The following RBFOX2 variants were observed in gnomAD, a reference collection of about 807,000 sequenced individuals.
The protein encoded by RBFOX2 is RNA binding protein fox-1 homolog 2.
Under a neutral mutation model 49.1 loss-of-function variants are expected in RBFOX2, and 10 were observed. That is an observed-to-expected ratio of 0.20 (90% CI 0.13 to 0.35). The LOEUF (loss-of-function observed/expected upper bound fraction) is 0.35. Among genes scored for constraint, RBFOX2 ranks in the 10% least tolerant of loss-of-function variants. The probability of loss-of-function intolerance (pLI) is 1.00; values close to 1 mark genes in which losing one functional copy is unlikely to be tolerated. For missense variants in RBFOX2, 323 were observed against 486.9 expected, an observed-to-expected ratio of 0.66 and a Z score of 3.17; for synonymous variants, 183 against 187.4, an observed-to-expected ratio of 0.98 and a Z score of 0.19.
At chr22:35,813,269 G>T (rs1488006368) in intron 1 of RBFOX2, among the ~76,000 whole-genome samples, 1 of 152,132 alleles carries the variant, frequency 6.6e-6, no homozygotes, top group East Asian at 1.9e-4. Context: ...TTTCAGATTT[G>T]TATTAAATTT....
chr22:36,028,467 G>A (rs981134049), exon 1 of RBFOX2: 48 of 1,156,362 alleles, frequency 4.2e-5, no homozygotes, highest in South Asian at 2.6e-4. Context: ...GGCGACCCGC[G>A]ACAGGCCACC....
chr22:35,757,749 C>A (rs1654210345), intron 9 of RBFOX2, among the ~76,000 whole-genome samples: 1 of 152,056 alleles, frequency 6.6e-6, no homozygotes, highest in African/African-American at 2.4e-5. Context: ...TCTCCAGTTG[C>A]AGTTAAAGTC....
chr22:35,999,761 C>T (rs991906802), intron 1 of RBFOX2: 4 of 152,008 alleles, frequency 2.6e-5, no homozygotes, highest in African/African-American at 9.7e-5. Context: ...CACACTGTTG[C>T]ATAGGTACTA....
intron 1 of RBFOX2, among the ~76,000 whole-genome samples, chr22:35,974,607 A>C (rs971115298): frequency 1.3e-5 from 2 of 152,156 alleles, no homozygotes; most frequent in African/African-American, 2.4e-5. Flanking sequence ...GAATCACTTG[A>C]ACCCAGGAGG....
chr22:35,956,867 C>T (rs796550241), intron 1 of RBFOX2, among the ~76,000 whole-genome samples: 4 of 152,160 alleles, frequency 2.6e-5, no homozygotes, highest in African/African-American at 4.8e-5. Flanking sequence ...GATTCATAAC[C>T]GAGGATGGAG....
intron 1 of RBFOX2, among the ~76,000 whole-genome samples, chr22:35,989,118 G>A (rs189945661): frequency 1.5e-3 from 231 of 152,272 alleles, no homozygotes; most frequent in Non-Finnish European, 2.9e-3. Context: ...CTGAGCAGGT[G>A]GATACAGACA....
chr22:35,870,421 G>A (rs1443195419), intron 1 of RBFOX2, among the ~76,000 whole-genome samples: 3 of 152,088 alleles, frequency 2.0e-5, no homozygotes, highest in East Asian at 1.9e-4. Context: ...GCAGTGAGCC[G>A]AGATTGCACC....
At chr22:35,846,538 GGAGTTCAA>G (rs1307772262) in intron 1 of RBFOX2, among the ~76,000 whole-genome samples, 1 of 151,814 alleles carries the variant, frequency 6.6e-6, no homozygotes, top group African/African-American at 2.4e-5. Context: ...CCCGAGGATG[GGAGTTCAA>G]GACCAGCCTG....
At chr22:35,765,227 C>T (rs1940542876) in intron 6 of RBFOX2, among the ~76,000 whole-genome samples, 196 bp downstream of exon 7, 1 of 150,880 alleles carries the variant, frequency 6.6e-6, no homozygotes, top group South Asian at 2.1e-4. Flanking sequence ...AACATAACAC[C>T]TTAATAACTA....
At chr22:35,869,030 A>G (rs1340956913) in intron 1 of RBFOX2, among the ~76,000 whole-genome samples, 2 of 152,076 alleles carry the variant, frequency 1.3e-5, no homozygotes, top group Non-Finnish European at 2.9e-5. Flanking sequence ...TTTCACAGAA[A>G]CCTCAATCCC....
chr22:35,925,887 T>C (rs2051572473), intron 1 of RBFOX2, among the ~76,000 whole-genome samples: 2 of 152,200 alleles, frequency 1.3e-5, no homozygotes, highest in Non-Finnish European at 2.9e-5. Context: ...GCTGTTTAAA[T>C]GCATGATTAC....
upstream of RBFOX2, among the ~76,000 whole-genome samples, chr22:35,844,519 G>A (rs1444220255): frequency 6.6e-6 from 1 of 151,716 alleles, no homozygotes; most frequent in African/African-American, 2.4e-5. Flanking sequence ...TTTTGAGGTG[G>A]AGTCTCGCTC....
At chr22:35,789,762 C>T (rs1462237846) in intron 2 of RBFOX2, among the ~76,000 whole-genome samples, 1 of 152,074 alleles carries the variant, frequency 6.6e-6, no homozygotes, top group Admixed American at 6.6e-5. Flanking sequence ...GGTCCTACTC[C>T]CTGTAACGTG....
At chr22:36,014,267 C>A (rs977244255) in intron 1 of RBFOX2, among the ~76,000 whole-genome samples, 1 of 151,974 alleles carries the variant, frequency 6.6e-6, no homozygotes, top group Non-Finnish European at 1.5e-5. Context: ...GGACTACAGG[C>A]ACCCGCCACC....
chr22:35,923,324 T>C (rs537627682), intron 1 of RBFOX2, among the ~76,000 whole-genome samples: 6 of 151,860 alleles, frequency 4.0e-5, no homozygotes, highest in Admixed American at 1.3e-4. Context: ...GCTCCAGGCC[T>C]TTCATATCTT....
At chr22:35,837,643 A>G (rs2148798006) in intron 1 of RBFOX2, among the ~76,000 whole-genome samples, 1 of 152,286 alleles carries the variant, frequency 6.6e-6, no homozygotes. Context: ...TTAACACAGA[A>G]AGTATATACA....
chr22:35,828,272 G>C (rs1224606871), intron 1 of RBFOX2, among the ~76,000 whole-genome samples: 8 of 152,038 alleles, frequency 5.3e-5, no homozygotes, highest in African/African-American at 1.9e-4. Flanking sequence ...GGCAAGGAAG[G>C]ACAGAGATTC....
exon 12 of RBFOX2, chr22:35,743,773 C>T (rs774563214): frequency 6.5e-6 from 1 of 154,704 alleles, no homozygotes; most frequent in African/African-American, 2.4e-5. Flanking sequence ...TGCTTGTCCC[C>T]CAGTCATTCA....
chr22:35,929,046 G>C (rs778479941), intron 1 of RBFOX2, among the ~76,000 whole-genome samples: 127 of 152,112 alleles, frequency 8.3e-4, no homozygotes, highest in Non-Finnish European at 1.4e-3. Context: ...CTTGAGGCAG[G>C]AGTTCAAAGC....
Sources: allele counts gnomAD v4.1 joint callset (sites outside exome capture counted in the v4.1 genomes callset), GRCh38; gene constraint gnomAD v4.1.1; transcripts MANE v1.5; gene names NCBI Gene and HGNC (gene_info 2026-07-23, HGNC 2026-07-21).